BOC: variants seen among roughly 807,000 people sequenced by gnomAD.
BOC encodes the protein brother of CDO.
A neutral mutation model predicts 112.0 loss-of-function variants in BOC; 76 were observed. That is an observed-to-expected ratio of 0.68 (90% CI 0.56 to 0.82). The LOEUF (loss-of-function observed/expected upper bound fraction) is 0.82. Ranked by LOEUF, BOC falls within the 40% of genes least tolerant of loss-of-function variation. The pLI, the probability that BOC is intolerant of heterozygous loss-of-function variation, is 0.00. For missense variants in BOC, 1,309 were observed against 1,511.7 expected, an observed-to-expected ratio of 0.87 and a Z score of 2.22; for synonymous variants, 580 against 599.8, an observed-to-expected ratio of 0.97 and a Z score of 0.48.
intron 2 of BOC, among the ~76,000 whole-genome samples, chr3:113,242,424 C>G (rs927306171): frequency 6.6e-6 from 1 of 152,100 alleles, no homozygotes; most frequent in Non-Finnish European, 1.5e-5. Context: ...AGTGCTGGAG[C>G]AGGGAGAGGA....
At chr3:113,250,481 G>A in intron 3 of BOC, 74 bp from the exon 4 acceptor site, 2 of 1,517,964 alleles carry the variant, frequency 1.3e-6, no homozygotes, top group Non-Finnish European at 1.8e-6. Context: ...CTTCCTGGGT[G>A]CAGTGCTTCT....
chr3:113,248,159 C>A (rs1216792305), intron 2 of BOC, among the ~76,000 whole-genome samples: 2 of 152,184 alleles, frequency 1.3e-5, no homozygotes, highest in Non-Finnish European at 2.9e-5. Flanking sequence ...GTGGATATGG[C>A]CCTCCTCACT....
intron 14 of BOC, 68 bp from the exon 15 acceptor site, chr3:113,280,963 C>G: frequency 2.5e-6 from 4 of 1,588,206 alleles, no homozygotes; most frequent in Non-Finnish European, 3.4e-6. Flanking sequence ...CTGAGTCTGA[C>G]TATGAGATTG....
chr3:113,274,627 G>A lies in BOC; in HGVS notation c.1487G>A (p.Arg496Gln), dbSNP rs770042178. The change falls in exon 9 of 20, where the codon CGG becomes CAG. Residue 496 changes from arginine to glutamine, a missense_variant. Physicochemically the swap from Arg to Gln is conservative, Grantham distance 43 (BLOSUM62 1). Transcript: ENST00000682979. This position sits in a 1 kb window ranked among gnomAD's most constrained non-coding sequence, Gnocchi z 4.8. The part of the protein sequence containing the change: ...TDSYELVWRP[R>Q]HEGSGRAPIL... The stretch of plus-strand genomic sequence containing the variant: ...TCATATGAACTGGTGTGGCGGCCTC[G>A]GCATGAGGGCAGTGGCCGGGCGCCA... The A allele has an allele frequency of 9.9e-6, 16 of 1,610,164 alleles. No homozygotes were observed. The highest frequency in any genetic ancestry group is 6.7e-5 in the East Asian group (3 of 44,782).
At chr3:113,211,212 C>G (rs1938101518), upstream of BOC, 1 of 152,314 alleles carries the variant, frequency 6.6e-6, no homozygotes, top group Non-Finnish European at 1.5e-5. Flanking sequence ...AAGGATTGTA[C>G]ATGGAAGAGC....
rs753459215 is a variant in BOC, at chr3:113,272,679, A to G, written c.937A>G (p.Ile313Val). 27 of 1,613,784 alleles carry G rather than the reference A, an allele frequency of 1.7e-5. No individual in the cohort carries two copies. The highest frequency in any genetic ancestry group is 2.2e-5 in the Non-Finnish European group (26 of 1,179,930). Residue 313 changes from isoleucine to valine, a missense_variant, in exon 7 of 20, where the codon ATC becomes GTC. By Grantham distance (29) the Ile-to-Val change is conservative. Coordinates refer to ENST00000682979, the MANE Select transcript of BOC (RefSeq NM_001378074.1). Reference sequence around the variant, plus strand: ...GGTTGGGCAGCCCGGGGCAGCGGTCATCCTCTACAATGTCCAGGTGTTTGG... The same window carrying G: ...GGTTGGGCAGCCCGGGGCAGCGGTCGTCCTCTACAATGTCCAGGTGTTTGG... ...NGVGQPGAAV[I>V]LYNVQVFEPP...
rs776265055 is a variant in BOC at position 113,278,176 on chromosome 3, C to T, written c.1624C>T (p.Pro542Ser). 1.9e-6 allele frequency: 3 copies of T among 1,614,206 alleles called. No homozygotes were observed. The highest frequency in any genetic ancestry group is 1.7e-6 in the Non-Finnish European group (2 of 1,180,040). ...CCGCCTGACCCTCACCAGACTTGAC[C>T]CCGGGAGCTTGTATGAAGTGGAGAT... is the stretch of plus-strand genomic sequence containing the variant. ...QHRLTLTRLD[P>S]GSLYEVEMAA... is the part of the protein sequence containing the mutation. The change falls in exon 10 of 20, where the codon CCC (proline) becomes TCC (serine). Residue 542 changes from proline to serine, a missense_variant. Coordinates refer to ENST00000682979, the MANE Select transcript of BOC (RefSeq NM_001378074.1). The surrounding 1 kb of genome is among the most constrained non-coding windows in gnomAD (Gnocchi z 4.2).
In BOC at chr3:113,286,787, A is replaced by G; in HGVS notation, c.3273A>G (p.Gly1091=). 1 of 1,613,340 alleles carries G rather than the reference A, an allele frequency of 6.2e-7. No homozygotes were observed. Among genetic ancestry groups the G allele is most frequent in the Admixed American group, 1.7e-5 (1 of 59,908 alleles). Residue 1091 remains glycine, a synonymous_variant, in exon 20 of 20, where the codon GGA becomes GGG. Coordinates refer to ENST00000682979, the MANE Select transcript of BOC (RefSeq NM_001378074.1). The part of the protein sequence containing the change: ...CPQHPVGAYV[G]QEPGMQLSPG... ...AGCACCCCGTAGGGGCCTACGTAGG[A>G]CAGGAACCTGGAATGCAGCTCTCCC...
chr3:113,228,415 C>T (rs1417129639), intron 2 of BOC, among the ~76,000 whole-genome samples: 2 of 152,048 alleles, frequency 1.3e-5, no homozygotes, highest in Non-Finnish European at 2.9e-5. Flanking sequence ...ATAGGAGAGA[C>T]TGGGGCAGAA....
rs1323412428 is a variant in BOC at position 113,273,333 on chromosome 3, C to T, written c.1226C>T (p.Ser409Phe). The T allele has an allele frequency of 6.3e-7, 1 of 1,589,918 alleles. No homozygotes were observed. The highest frequency in any genetic ancestry group is 8.6e-7 in the Non-Finnish European group (1 of 1,161,002). The change falls in exon 8 of 20, where the codon TCC (serine) becomes TTC (phenylalanine). Residue 409 changes from serine to phenylalanine, a missense_variant. Physicochemically the swap from Ser to Phe is radical, Grantham distance 155 (BLOSUM62 -2). Transcript: ENST00000682979. ...SAHAVVQLRTSRPSITPRLWQ... is the reference protein window; with the variant it reads ...SAHAVVQLRTFRPSITPRLWQ... ...CATGCCGTAGTCCAGCTGCGGACCT[C>T]CAGGCCAAGTGAGTGTAGCCCAGGG...
chr3:113,227,196 T>C (rs567922865), intron 2 of BOC, among the ~76,000 whole-genome samples: 2 of 152,308 alleles, frequency 1.3e-5, no homozygotes, highest in African/African-American at 4.8e-5. Context: ...TTGAAGAGTT[T>C]TGTCAATTAT....
Position 113,278,663 on chromosome 3 carries a change from T to C in BOC, c.1706-10T>C. The C allele has an allele frequency of 6.4e-7, 1 of 1,554,656 alleles. No individual in the cohort carries two copies. Among genetic ancestry groups the C allele is most frequent in the Non-Finnish European group, 8.7e-7 (1 of 1,148,502 alleles). On this transcript the variant is annotated splice_polypyrimidine_tract_variant and intron_variant, in intron 10 of 19. Transcript: ENST00000682979. The surrounding 1 kb of genome is among the most constrained non-coding windows in gnomAD (Gnocchi z 4.2). ...TCCTCCCTTGCTGACTACAACCCAT[T>C]TCCACCCAGGACGGCGGCCCAAACC...
chr3:113,279,321 G>A lies in BOC; in HGVS notation c.1889G>A (p.Arg630His), dbSNP rs751680270. 12 of 1,613,966 alleles carry A rather than the reference G, an allele frequency of 7.4e-6. No homozygotes were observed. The highest frequency in any genetic ancestry group is 4.0e-5 in the African/African-American group (3 of 74,908). Reference protein sequence around the residue: ...ETSVYVTWIPRGNGGFPIQSF... With the variant: ...ETSVYVTWIPHGNGGFPIQSF... ...TCAGTGTACGTGACCTGGATTCCCC[G>A]TGGGAATGGTGGGTTCCCAATCCAG... The change falls in exon 12 of 20, where the codon CGT becomes CAT. Residue 630 changes from arginine to histidine, a missense_variant. By Grantham distance (29) the Arg-to-His change is conservative. Transcript: ENST00000682979.
Position 113,278,074 on chromosome 3 carries a change from T to C in BOC, c.1543-21T>C. 1 of 1,613,888 alleles carries C rather than the reference T, an allele frequency of 6.2e-7. No homozygotes were observed. Among genetic ancestry groups the C allele is most frequent in the Non-Finnish European group, 8.5e-7 (1 of 1,179,810 alleles). On this transcript the variant is annotated intron_variant, in intron 9 of 19. Coordinates refer to ENST00000682979, the MANE Select transcript of BOC (RefSeq NM_001378074.1). The surrounding 1 kb of genome is among the most constrained non-coding windows in gnomAD (Gnocchi z 4.2). ...AGCCCGAGGCTGAGATGCCGGTCTT[T>C]ATACCAGCTACCTTCTCCAGCAGGT...
At chr3:113,259,790 C>G (rs1400326082) in intron 4 of BOC, among the ~76,000 whole-genome samples, 1 of 152,040 alleles carries the variant, frequency 6.6e-6, no homozygotes, top group Non-Finnish European at 1.5e-5. Context: ...ATTTATTTTC[C>G]TATAGGGAGA....
At position 113,219,200 on chromosome 3, in the gene BOC, G is replaced by A. The variant is rs1011634211; in HGVS notation, c.-82+2926G>A. Among the ~76,000 whole-genome samples, 4 of 152,180 alleles carry A rather than the reference G, an allele frequency of 2.6e-5. No individual in the cohort carries two copies. The South Asian group carries it at 8.3e-4, about 32-fold the overall frequency. On this transcript the variant is annotated intron_variant, in intron 2 of 19. Coordinates refer to ENST00000682979, the MANE Select transcript of BOC (RefSeq NM_001378074.1). ...ATTATTCTCACTTGGCATGGGAGACGCAAACCTCCCGGTGCAGGCTTTCAC... is the reference window on the plus strand; with the variant it reads ...ATTATTCTCACTTGGCATGGGAGACACAAACCTCCCGGTGCAGGCTTTCAC...
chr3:113,255,771 C>T, intron 4 of BOC, among the ~76,000 whole-genome samples: 1 of 152,106 alleles, frequency 6.6e-6, no homozygotes, highest in Non-Finnish European at 1.5e-5. Context: ...AAGGAGTCCC[C>T]CTCGCCACTC....
At chr3:113,242,016 G>T (rs1237925045) in intron 2 of BOC, among the ~76,000 whole-genome samples, 1 of 151,950 alleles carries the variant, frequency 6.6e-6, no homozygotes, top group Non-Finnish European at 1.5e-5. Flanking sequence ...AGGAGGGAAG[G>T]CTTCATAAAT....
In BOC at chr3:113,270,877, T is replaced by C. The variant is rs772157582; in HGVS notation, c.600T>C (p.Cys200=). Residue 200 remains cysteine (C), a synonymous_variant, in exon 6 of 20, where the codon TGT becomes TGC. Transcript: ENST00000682979. ...ASQEDEGMYK[C]AAYNPVTQEV... The stretch of plus-strand genomic sequence containing the variant: ...AGGAGGACGAGGGCATGTACAAGTG[T>C]GCAGCCTACAACCCAGTGACCCAGG... 9.0e-5 allele frequency: 145 copies of C among 1,614,086 alleles called. 4 individuals are homozygous for C. In the South Asian group the frequency reaches 9.1e-4, roughly 10 times the overall value.
Sources: gnomAD v4.1 joint callset for allele counts (sites outside exome capture counted in the v4.1 genomes callset) on GRCh38, gnomAD v4.1.1 for gene constraint, Gnocchi (gnomAD v3.1) non-coding constraint, MANE v1.5 for transcripts, NCBI Gene and HGNC (gene_info 2026-07-23, HGNC 2026-07-21) for gene names.